Variants in TMEM248 observed in about 807,000 individuals in gnomAD.
TMEM248 encodes UPF0458 protein C7orf42.
TMEM248 carries 9 observed loss-of-function variants against 30.3 expected under a neutral mutation model. That is an observed-to-expected ratio of 0.30 (90% CI 0.18 to 0.52). TMEM248 has a LOEUF of 0.52. Ranked by LOEUF, TMEM248 falls within the 20% of genes least tolerant of loss-of-function variation. TMEM248 has a pLI of 0.97. For synonymous variants in TMEM248, 184 were observed against 154.4 expected, an observed-to-expected ratio of 1.19 and a Z score of -1.42; for missense variants, 338 against 403.3, an observed-to-expected ratio of 0.84 and a Z score of 1.39.
At chr7:66,935,256 C>T (rs1366532165) in intron 1 of TMEM248, among the ~76,000 whole-genome samples, 1 of 151,756 alleles carries the variant, frequency 6.6e-6, no homozygotes, top group East Asian at 2.0e-4. Context: ...AATCTCAGCT[C>T]ACTGCAACCT....
chr7:66,951,806 G>A (rs1055438486), intron 5 of TMEM248, among the ~76,000 whole-genome samples: 2 of 151,938 alleles, frequency 1.3e-5, no homozygotes, highest in African/African-American at 4.8e-5. Context: ...GACTACAGGT[G>A]CATGTCACCA....
At position 66,942,953 on chromosome 7, in the gene TMEM248, C is replaced by A. The variant is rs1419411414; in HGVS notation, c.159+929C>A. ...TGCAATGGAGAGGAGAGTTGTGTTC[C>A]ATGTAATTGAGATCGTAGCTTTCTC... On this transcript the variant is annotated intron_variant, in intron 2 of 6. Coordinates refer to ENST00000341567, the MANE Select transcript of TMEM248 (RefSeq NM_017994.5). Among the ~76,000 whole-genome samples the A allele has an allele frequency of 8.6e-5, 13 of 150,690 alleles. 1 individual carries two copies. In the Admixed American group the frequency reaches 8.7e-4, roughly 10 times the overall value.
intron 1 of TMEM248, among the ~76,000 whole-genome samples, chr7:66,939,359 C>G (rs1203429725): frequency 6.6e-6 from 1 of 152,174 alleles, no homozygotes; most frequent in Non-Finnish European, 1.5e-5. Flanking sequence ...AACCACAGAA[C>G]AATTACATAT....
intron 4 of TMEM248, among the ~76,000 whole-genome samples, 159 bp downstream of exon 4, chr7:66,948,853 TA>T (rs754337164): frequency 6.6e-6 from 1 of 152,248 alleles, no homozygotes; most frequent in African/African-American, 2.4e-5. Context: ...TTAATTTGTC[TA>T]AAGGATTATT....
chr7:66,955,356 C>A, intron 6 of TMEM248, 146 bp from the exon 7 acceptor site: 1 of 924,960 alleles, frequency 1.1e-6, no homozygotes, highest in Non-Finnish European at 1.7e-6. Context: ...TAATTTCTTC[C>A]TAGGTGAGAT....
At chr7:66,942,657 G>C (rs1791995587) in intron 2 of TMEM248, among the ~76,000 whole-genome samples, 2 of 152,040 alleles carry the variant, frequency 1.3e-5, no homozygotes, top group Non-Finnish European at 2.9e-5. Flanking sequence ...CACCACGTCT[G>C]GCTAATTTTT....
At chr7:66,926,833 G>A (rs1056553579) in intron 1 of TMEM248, among the ~76,000 whole-genome samples, 1 of 152,130 alleles carries the variant, frequency 6.6e-6, no homozygotes, top group African/African-American at 2.4e-5. Flanking sequence ...GGTCTGTAGT[G>A]TTTTTTCTGC....
At chr7:66,947,214 C>T (rs1191502483) in intron 3 of TMEM248, among the ~76,000 whole-genome samples, 2 of 58,810 alleles carry the variant, frequency 3.4e-5, no homozygotes, top group East Asian at 9.6e-4. Context: ...GACCCTGTCT[C>T]AAAAAAAAAA....
intron 2 of TMEM248, 41 bp downstream of exon 2, chr7:66,942,065 G>C: frequency 3.1e-6 from 5 of 1,597,308 alleles, no homozygotes; most frequent in Non-Finnish European, 4.3e-6. Context: ...GCTGGTCCTT[G>C]TGCAGTGGGG....
intron 1 of TMEM248, among the ~76,000 whole-genome samples, chr7:66,923,665 T>C (rs1362306897): frequency 6.6e-6 from 1 of 152,122 alleles, no homozygotes; most frequent in African/African-American, 2.4e-5. Context: ...TAGTTTCTCG[T>C]AGATTTCTGG....
At chr7:66,936,253 G>T (rs1228543116) in intron 1 of TMEM248, among the ~76,000 whole-genome samples, 3 of 152,076 alleles carry the variant, frequency 2.0e-5, no homozygotes, top group Non-Finnish European at 4.4e-5. Flanking sequence ...TTTTTTGAGG[G>T]TTTGTATCAT....
chr7:66,935,016 C>T (rs1380281474), intron 1 of TMEM248, among the ~76,000 whole-genome samples: 1 of 151,912 alleles, frequency 6.6e-6, no homozygotes, highest in African/African-American at 2.4e-5. Context: ...GATTGTGCCC[C>T]TGCACTCCAA....
At chr7:66,938,931 C>G (rs896858147) in intron 1 of TMEM248, among the ~76,000 whole-genome samples, 4 of 152,174 alleles carry the variant, frequency 2.6e-5, no homozygotes, top group Non-Finnish European at 4.4e-5. Flanking sequence ...AAAGGAATTT[C>G]TAAACATCAA....
rs1016316119 is a variant in TMEM248, at chr7:66,943,885, C to A, written c.160-1091C>A. ...CGATCTTGGCTCACTTCAGCCTCTGCCCCCCTTCAAACGATTTTCGTGCCT... is the reference window on the plus strand; with the variant it reads ...CGATCTTGGCTCACTTCAGCCTCTGACCCCCTTCAAACGATTTTCGTGCCT... On this transcript the variant is annotated intron_variant, in intron 2 of 6. Coordinates refer to ENST00000341567, the MANE Select transcript of TMEM248 (RefSeq NM_017994.5). Among the ~76,000 whole-genome samples, 3 of 151,624 alleles carry A rather than the reference C, an allele frequency of 2.0e-5. No individual in the cohort carries two copies. In the South Asian group the frequency reaches 6.2e-4, roughly 31 times the overall value.
At position 66,945,120 on chromosome 7, in the gene TMEM248, C is replaced by A; in HGVS notation, c.304C>A (p.Gln102Lys). 1 of 1,614,226 alleles carries A rather than the reference C, an allele frequency of 6.2e-7. No individual in the cohort carries two copies. The highest frequency in any genetic ancestry group is 8.5e-7 in the Non-Finnish European group (1 of 1,180,056). Residue 102 changes from glutamine (Q) to lysine (K), a missense_variant, in exon 3 of 7, where the codon CAG becomes AAG. By Grantham distance (53) the Gln-to-Lys change is moderately conservative (BLOSUM62 1). Coordinates refer to ENST00000341567, the MANE Select transcript of TMEM248 (RefSeq NM_017994.5). ...GQARASTQSPQALEDSGPVNI... is the reference protein window; with the variant it reads ...GQARASTQSPKALEDSGPVNI... Reference sequence around the variant, plus strand: ...GGCCCGAGCTTCCACCCAGTCCCCCCAGGCCCTGGAGGACTCGGGCCCGGT... The same window carrying A: ...GGCCCGAGCTTCCACCCAGTCCCCCAAGGCCCTGGAGGACTCGGGCCCGGT...
chr7:66,954,659 A>G (rs550686133), intron 6 of TMEM248, among the ~76,000 whole-genome samples: 2 of 152,156 alleles, frequency 1.3e-5, no homozygotes, highest in African/African-American at 4.8e-5. Flanking sequence ...GGCCTCTCAA[A>G]GATTACAGGT....
Position 66,937,771 on chromosome 7 carries a change from C to T in TMEM248, c.-18-4077C>T, listed in dbSNP as rs139203983. On this transcript the variant is annotated intron_variant, in intron 1 of 6. Transcript: ENST00000341567. ...TGTTGCCCAGGCTGGAGTGCAATGG[C>T]GCGACCTTGGCTCACCACAACCTCT... is the stretch of plus-strand genomic sequence containing the variant. Among the ~76,000 whole-genome samples, 327 of 152,092 alleles carry T rather than the reference C, an allele frequency of 2.2e-3. 1 individual carries two copies. The highest frequency in any genetic ancestry group is 7.5e-3 in the African/African-American group (310 of 41,480).
chr7:66,954,399 T>TG (rs2129226707), intron 6 of TMEM248, among the ~76,000 whole-genome samples: 1 of 150,060 alleles, frequency 6.7e-6, no homozygotes, highest in East Asian at 1.9e-4. Flanking sequence ...TTTTTTTTTT[T>TG]TTTTGAGACA....
chr7:66,957,665 A>C lies in TMEM248; in HGVS notation c.*2143A>C, dbSNP rs896701933. The C allele has an allele frequency of 6.6e-6, 1 of 152,350 alleles. No individual in the cohort carries two copies. The highest frequency in any genetic ancestry group is 1.5e-5 in the Non-Finnish European group (1 of 68,034). 9.4% of individuals were successfully genotyped at this position (152,350 alleles called of 1,614,324 possible). A position where few individuals can be genotyped will look rare whatever the true frequency, so the allele number is the denominator to read the frequency against. ...ATAGATTTATAGCTGGCAGAGTGGT[A>C]TCAAAGGAGAAAAACAGTGAAAAAG... is the stretch of plus-strand genomic sequence containing the variant. On this transcript the variant is annotated 3_prime_UTR_variant, in exon 7 of 7. Transcript: ENST00000341567.
Sources: allele counts gnomAD v4.1 joint callset (sites outside exome capture counted in the v4.1 genomes callset), GRCh38; gene constraint gnomAD v4.1.1; transcripts MANE v1.5; gene names NCBI Gene and HGNC (gene_info 2026-07-23, HGNC 2026-07-21).